The following OOSP2 variants were observed in gnomAD, a reference collection of about 807,000 sequenced individuals.
The protein encoded by OOSP2 is oocyte-secreted protein 2.
OOSP2 carries 7 observed loss-of-function variants against 13.4 expected under a neutral mutation model. The observed-to-expected ratio is 0.52, with a 90% confidence interval of 0.30 to 0.98. The LOEUF (loss-of-function observed/expected upper bound fraction) is 0.98, where lower values mean the gene tolerates loss of function less well. Among genes scored for constraint, OOSP2 ranks in the 50% least tolerant of loss-of-function variants. The probability of loss-of-function intolerance (pLI) is 0.07; values close to 1 mark genes in which losing one functional copy is unlikely to be tolerated. For synonymous variants in OOSP2, 75 were observed against 67.2 expected, an observed-to-expected ratio of 1.12 and a Z score of -0.57; for missense variants, 184 against 188.5, an observed-to-expected ratio of 0.98 and a Z score of 0.14.
intron 3 of OOSP2, chr11:60,046,732 T>G (rs1289221075): frequency 1.5e-6 from 1 of 667,250 alleles, no homozygotes; most frequent in Admixed American, 2.0e-5. Flanking sequence ...GCAGAAATCA[T>G]GGGGAGACTA....
At chr11:60,043,198 C>A (rs1854960354) in intron 1 of OOSP2, among the ~76,000 whole-genome samples, 1 of 152,208 alleles carries the variant, frequency 6.6e-6, no homozygotes, top group Non-Finnish European at 1.5e-5. Flanking sequence ...GCCACTGCGC[C>A]CGGCCCATTT....
At chr11:60,043,424 A>G in intron 1 of OOSP2, 45 bp from the exon 2 acceptor site, 2 of 1,327,162 alleles carry the variant, frequency 1.5e-6, no homozygotes, top group South Asian at 1.3e-5. Flanking sequence ...ACACTTTCTT[A>G]AGATAGACAC....
In OOSP2 at chr11:60,047,604, AC is replaced by A. The variant is rs1156895000; in HGVS notation, c.*533del. On this transcript the variant is annotated 3_prime_UTR_variant, in exon 4 of 4. Transcript: ENST00000278855. ...ATCCTAACAATAATGCCATGTGACA[AC>A]CTATTTAGATTATTCCAGAATTAAA... 1 of 152,156 alleles carries A rather than the reference AC, an allele frequency of 6.6e-6. No individual in the cohort carries two copies. The highest frequency in any genetic ancestry group is 1.9e-4 in the East Asian group (1 of 5,194). The allele number at this position is 152,156 out of a possible 1,614,324, so 9.4% of individuals were successfully genotyped here.
At chr11:60,041,405 C>CT (rs1304238225) in intron 1 of OOSP2, among the ~76,000 whole-genome samples, 1 of 152,166 alleles carries the variant, frequency 6.6e-6, no homozygotes, top group Non-Finnish European at 1.5e-5. Context: ...GAAAGAGCCA[C>CT]TGTGAATTCT....
rs1037249148 is a variant in OOSP2, at chr11:60,047,032, G to A, written c.436G>A (p.Glu146Lys). 2 of 1,611,616 alleles carry A rather than the reference G, an allele frequency of 1.2e-6. No individual in the cohort carries two copies. Among genetic ancestry groups the A allele is most frequent in the African/African-American group, 1.3e-5 (1 of 74,870 alleles). The change falls in exon 4 of 4, where the codon GAA becomes AAA. Residue 146 changes from glutamate to lysine, a missense_variant. Physicochemically the swap from Glu to Lys is moderately conservative, Grantham distance 56 (BLOSUM62 1). Coordinates refer to ENST00000278855, the MANE Select transcript of OOSP2 (RefSeq NM_173801.5). ...PFIADFQTTA[E>K]ELGLLSSSPN... is the part of the protein sequence containing the mutation. ...TATTGCTGACTTTCAGACAACAGCA[G>A]AAGAGTTAGGATTATTATCTTCTAG...
At position 60,046,321 on chromosome 11, in the gene OOSP2, AAC is replaced by A. The variant is rs559008793; in HGVS notation, c.348-619_348-618del. ...CTATGAACTACCCAAAGCTTGGAGC[AAC>A]ACAGAGTTCTGATCTAATGCCTCAG... On this transcript the variant is annotated intron_variant, in intron 3 of 3. Transcript: ENST00000278855. Among the ~76,000 whole-genome samples the A allele has an allele frequency of 9.9e-4, 151 of 152,280 alleles. 1 individual carries two copies. The highest frequency in any genetic ancestry group is 3.5e-3 in the African/African-American group (145 of 41,564).
chr11:60,042,976 T>C (rs747030315), intron 1 of OOSP2, among the ~76,000 whole-genome samples: 14 of 152,112 alleles, frequency 9.2e-5, no homozygotes, highest in South Asian at 4.2e-4. Context: ...GCGATCTTGG[T>C]TCACTGCAAG....
chr11:60,041,850 C>CAAAAAAA lies in OOSP2; in HGVS notation c.64+1341_64+1347dup, dbSNP rs571172974. ...TGGGTGACAGAGCGAGACTCTGTCT[C>CAAAAAAA]AAAAAAAAAAAAAAAAAAAAGCAAA... is the stretch of plus-strand genomic sequence containing the variant. On this transcript the variant is annotated intron_variant, in intron 1 of 3. Transcript: ENST00000278855. Among the ~76,000 whole-genome samples, 52 of 36,422 alleles carry CAAAAAAA rather than the reference C, an allele frequency of 1.4e-3. 4 individuals carry two copies. Among genetic ancestry groups the CAAAAAAA allele is most frequent in the East Asian group, 2.1e-3 (2 of 932 alleles). 23.9% of individuals were successfully genotyped at this position (36,422 alleles called of 152,430 possible).
intron 2 of OOSP2, 35 bp downstream of exon 2, chr11:60,043,682 T>A (rs755306197): frequency 8.0e-7 from 1 of 1,256,748 alleles, no homozygotes; most frequent in African/African-American, 1.5e-5. Context: ...AAATACTGCA[T>A]GTTTTGTCAG....
chr11:60,044,735 A>T lies in OOSP2; in HGVS notation c.308A>T (p.His103Leu), dbSNP rs760310074. Residue 103 changes from histidine to leucine, a missense_variant, in exon 3 of 4, where the codon CAT (histidine) becomes CTT (leucine). Coordinates refer to ENST00000278855, the MANE Select transcript of OOSP2 (RefSeq NM_173801.5). ...ELYFTPRNID[H>L]DPQEIHLECS... The stretch of plus-strand genomic sequence containing the variant: ...TACTTTACCCCAAGGAATATAGATC[A>T]TGACCCTCAGGAAATCCATTTGGAG... 3.7e-6 allele frequency: 6 copies of T among 1,602,992 alleles called. No individual in the cohort carries two copies. The Admixed American group carries it at 1.0e-4, about 27-fold the overall frequency.
chr11:60,046,445 A>G (rs199501992), intron 3 of OOSP2, among the ~76,000 whole-genome samples: 2 of 89,522 alleles, frequency 2.2e-5, no homozygotes, highest in African/African-American at 6.9e-5. Context: ...TACTTTCCTT[A>G]AAAAAAAAAT....
Position 60,047,102 on chromosome 11 carries a change from G to GT in OOSP2, c.*29_*30insT. On this transcript the variant is annotated 3_prime_UTR_variant, in exon 4 of 4. Transcript: ENST00000278855. ...AAAGGAGAAATGGAAACTTGAAGCT[G>GT]GTGTTATGTATTTTGCAGGAAAACA... 3.2e-6 allele frequency: 5 copies of GT among 1,572,078 alleles called. No individual in the cohort carries two copies. The highest frequency in any genetic ancestry group is 4.3e-6 in the Non-Finnish European group (5 of 1,158,812).
Position 60,040,449 on chromosome 11 carries a change from C to A in OOSP2, c.-11C>A. The A allele has an allele frequency of 1.3e-6, 2 of 1,564,858 alleles. No homozygotes were observed. The highest frequency in any genetic ancestry group is 1.8e-6 in the Non-Finnish European group (2 of 1,134,978). ...GTCCTGTGCTGGAGGTCTGCTCAGA[C>A]GAAGGTCTCCATGGCGTTAGAAGTC... On this transcript the variant is annotated 5_prime_UTR_variant, in exon 1 of 4. Coordinates refer to ENST00000278855, the MANE Select transcript of OOSP2 (RefSeq NM_173801.5).
chr11:60,043,036 C>T (rs1854957688), intron 1 of OOSP2, among the ~76,000 whole-genome samples: 1 of 152,064 alleles, frequency 6.6e-6, no homozygotes, highest in Non-Finnish European at 1.5e-5. Flanking sequence ...TCCCGAGTAG[C>T]TGGGACTACA....
At chr11:60,040,561 G>T (rs492674) in intron 1 of OOSP2, 38 bp downstream of exon 1, 1 of 1,133,800 alleles carries the variant, frequency 8.8e-7, no homozygotes, top group East Asian at 2.3e-5. Flanking sequence ...CCTCGAAGGA[G>T]TTAATCATAA....
chr11:60,043,258 T>C (rs1854961082), intron 1 of OOSP2, among the ~76,000 whole-genome samples: 1 of 152,208 alleles, frequency 6.6e-6, no homozygotes, highest in Admixed American at 6.5e-5. Context: ...CTCCATGAAA[T>C]TGCTGAAATC....
chr11:60,045,365 A>C (rs1179991273), intron 3 of OOSP2, among the ~76,000 whole-genome samples: 1 of 149,852 alleles, frequency 6.7e-6, no homozygotes, highest in Admixed American at 6.6e-5. Flanking sequence ...ATCCTGATAC[A>C]CTTTTTTTTT....
At position 60,044,700 on chromosome 11, in the gene OOSP2, A is replaced by G. The variant is rs752041682; in HGVS notation, c.273A>G (p.Gln91=). 3.8e-6 allele frequency: 6 copies of G among 1,598,242 alleles called. No individual in the cohort carries two copies. The East Asian group carries it at 1.1e-4, about 30-fold the overall frequency. ...TTTCTGAGGAAACTCTCCTTTTTCA[A>G]ACCGAGCTGTACTTTACCCCAAGGA... is the stretch of plus-strand genomic sequence containing the variant. ...RVVSEETLLF[Q]TELYFTPRNI... is the part of the protein sequence containing the mutation. Residue 91 remains glutamine (Q), a synonymous_variant, in exon 3 of 4, where the codon CAA becomes CAG. Transcript: ENST00000278855.
chr11:60,040,522 T>C lies in OOSP2; in HGVS notation c.63T>C (p.His21=). The change falls in exon 1 of 4, where the codon CAT becomes CAC. Residue 21 remains histidine (H), a splice_region_variant and synonymous_variant. Transcript: ENST00000278855. The part of the protein sequence containing the change: ...VLIWTGAENL[H]VKISCSLDWL... Reference sequence around the variant, plus strand: ...TTTGGACCGGTGCTGAGAACCTCCATGGTAAATAACAAGTTTTAGAGAATG... The same window carrying C: ...TTTGGACCGGTGCTGAGAACCTCCACGGTAAATAACAAGTTTTAGAGAATG... 1.3e-6 allele frequency: 2 copies of C among 1,551,360 alleles called. No homozygotes were observed. Among genetic ancestry groups the C allele is most frequent in the African/African-American group, 1.4e-5 (1 of 73,870 alleles).
Sources: allele counts gnomAD v4.1 joint callset (sites outside exome capture counted in the v4.1 genomes callset), GRCh38; gene constraint gnomAD v4.1.1; transcripts MANE v1.5; gene names NCBI Gene and HGNC (gene_info 2026-07-23, HGNC 2026-07-21).